The following PACRG variants were observed in gnomAD, a reference collection of about 807,000 sequenced individuals.
PACRG encodes the protein parkin coregulated gene protein.
A neutral mutation model predicts 29.7 loss-of-function variants in PACRG; 29 were observed. The observed-to-expected ratio is 0.98, with a 90% CI of 0.73 to 1.33. PACRG has a LOEUF of 1.33. PACRG is among the 40% of genes most tolerant of loss of function. PACRG has a pLI of 0.00. For missense variants in PACRG, 279 were observed against 316.2 expected (o/e 0.88, Z 0.89); for synonymous variants, 116 against 118.7 (o/e 0.98, Z 0.15).
intron 2 of PACRG, among the ~76,000 whole-genome samples, chr6:162,868,522 T>C (rs1792506017): frequency 6.6e-6 from 1 of 152,140 alleles, no homozygotes; most frequent in Non-Finnish European, 1.5e-5. Context: ...TGTTCTCCCC[T>C]GAGGAACAGA....
intron 2 of PACRG, among the ~76,000 whole-genome samples, chr6:162,890,269 G>T (rs1267493282): frequency 6.6e-6 from 1 of 152,100 alleles, no homozygotes; most frequent in East Asian, 1.9e-4. Flanking sequence ...ATGTGTTTAT[G>T]CCTCTTGGAT....
intron 4 of PACRG, among the ~76,000 whole-genome samples, chr6:163,305,284 C>A (rs1463303933): frequency 3.9e-5 from 6 of 152,224 alleles, no homozygotes; most frequent in Non-Finnish European, 8.8e-5. Flanking sequence ...TAAACTTTCC[C>A]AACATAAGTG....
At chr6:163,279,645 G>A (rs1177478825) in intron 4 of PACRG, among the ~76,000 whole-genome samples, 1 of 152,144 alleles carries the variant, frequency 6.6e-6, no homozygotes, top group East Asian at 1.9e-4. Flanking sequence ...AATTCAATCA[G>A]AGGTTTAATA....
chr6:162,873,638 C>G (rs1793017335), intron 2 of PACRG, among the ~76,000 whole-genome samples: 1 of 152,132 alleles, frequency 6.6e-6, no homozygotes, highest in Non-Finnish European at 1.5e-5. Context: ...GGATGACCCT[C>G]TTAGAGCCCA....
At chr6:162,978,358 A>G (rs1267147035) in intron 2 of PACRG, among the ~76,000 whole-genome samples, 1 of 152,218 alleles carries the variant, frequency 6.6e-6, no homozygotes, top group East Asian at 1.9e-4. Context: ...CACAATGTGT[A>G]GGGTAACATG....
chr6:163,201,525 T>G (rs148354228), intron 4 of PACRG, among the ~76,000 whole-genome samples: 1,542 of 152,194 alleles, frequency 0.01, 58 homozygotes, highest in Admixed American at 0.07. Context: ...GGGCATGAGG[T>G]GGGGCTGGGC....
chr6:163,032,462 A>T (rs141477790), intron 2 of PACRG, among the ~76,000 whole-genome samples: 1 of 152,186 alleles, frequency 6.6e-6, no homozygotes, highest in South Asian at 2.1e-4. Context: ...AAATAAGACA[A>T]TTGTTTGTGG....
chr6:163,057,414 C>T (rs1211968128), intron 2 of PACRG, among the ~76,000 whole-genome samples: 1 of 152,050 alleles, frequency 6.6e-6, no homozygotes, highest in East Asian at 1.9e-4. Context: ...TCAGCCTGAG[C>T]TGCTTATTTA....
intron 1 of PACRG, among the ~76,000 whole-genome samples, chr6:162,734,299 T>C (rs1472177286): frequency 1.3e-5 from 2 of 152,162 alleles, no homozygotes; most frequent in Non-Finnish European, 2.9e-5. Flanking sequence ...AAATTCAGTC[T>C]TTTTTTCCTG....
chr6:163,281,610 A>G (rs1274543362), intron 4 of PACRG, among the ~76,000 whole-genome samples: 1 of 152,208 alleles, frequency 6.6e-6, no homozygotes, highest in Non-Finnish European at 1.5e-5. Flanking sequence ...AGAAGTAGAA[A>G]TCTATAGCAA....
chr6:163,134,342 G>T (rs993629947), intron 4 of PACRG, among the ~76,000 whole-genome samples: 14 of 152,188 alleles, frequency 9.2e-5, no homozygotes, highest in African/African-American at 3.4e-4. Flanking sequence ...TGCTTACTCA[G>T]TAGGAGATGT....
chr6:163,004,832 C>T (rs1034122020), intron 2 of PACRG, among the ~76,000 whole-genome samples: 2 of 151,514 alleles, frequency 1.3e-5, no homozygotes, highest in Admixed American at 1.3e-4. Context: ...TTCATTCATT[C>T]AGAGCAGCAG....
intron 4 of PACRG, among the ~76,000 whole-genome samples, chr6:163,299,481 C>T (rs777121533): frequency 2.6e-5 from 4 of 152,150 alleles, no homozygotes; most frequent in African/African-American, 7.2e-5. Flanking sequence ...TTGGCGTCCT[C>T]GAGGCCAGGA....
chr6:163,114,273 C>T (rs554452594), intron 4 of PACRG, among the ~76,000 whole-genome samples: 1 of 152,168 alleles, frequency 6.6e-6, no homozygotes, highest in South Asian at 2.1e-4. Flanking sequence ...AACAACAAAA[C>T]CTGAAAAGGG....
chr6:163,301,766 C>T (rs1025406521), intron 4 of PACRG, among the ~76,000 whole-genome samples: 2 of 152,150 alleles, frequency 1.3e-5, no homozygotes, highest in Non-Finnish European at 2.9e-5. Flanking sequence ...ATAGCAGCTG[C>T]AGTAATAATA....
intron 4 of PACRG, among the ~76,000 whole-genome samples, chr6:163,153,397 A>G (rs1778181829): frequency 6.6e-6 from 1 of 152,192 alleles, no homozygotes. Flanking sequence ...AACTGGGGAG[A>G]TTTATATTTT....
intron 4 of PACRG, among the ~76,000 whole-genome samples, chr6:163,110,727 T>C (rs1815668147): frequency 6.6e-6 from 1 of 152,188 alleles, no homozygotes; most frequent in Admixed American, 6.5e-5. Context: ...TGGCAGCACT[T>C]TGATGCTCAG....
chr6:162,961,319 C>G (rs1436480101), intron 2 of PACRG, among the ~76,000 whole-genome samples: 1 of 152,226 alleles, frequency 6.6e-6, no homozygotes, highest in East Asian at 1.9e-4. Flanking sequence ...TCCTGATTGT[C>G]TCACTTGCAA....
intron 2 of PACRG, among the ~76,000 whole-genome samples, chr6:162,920,108 G>T (rs1796965489): frequency 6.6e-6 from 1 of 151,944 alleles, no homozygotes; most frequent in Non-Finnish European, 1.5e-5. Context: ...CGCATAGAAG[G>T]TGTTCACTGT....
Sources: allele counts gnomAD v4.1 joint callset (sites outside exome capture counted in the v4.1 genomes callset), GRCh38; gene constraint gnomAD v4.1.1; transcripts MANE v1.5; gene names NCBI Gene and HGNC (gene_info 2026-07-23, HGNC 2026-07-21).